RBM23: variants seen among roughly 807,000 people sequenced by gnomAD.
The protein encoded by RBM23 is RNA binding motif protein 23.
RBM23 carries 53 observed loss-of-function variants against 56.2 expected under a neutral mutation model. The ratio of observed to expected loss-of-function variants is 0.94; its 90% confidence interval spans 0.76 to 1.19. RBM23 has a LOEUF of 1.19. Ranked by LOEUF, RBM23 falls within the 50% of genes most tolerant of loss-of-function variation. The pLI, the probability that RBM23 is intolerant of heterozygous loss-of-function variation, is 0.00. For missense variants in RBM23, 642 were observed against 590.3 expected, an observed-to-expected ratio of 1.09 and a Z score of -0.91; for synonymous variants, 197 against 198.5, an observed-to-expected ratio of 0.99 and a Z score of 0.06.
At chr14:22,913,412 T>A (rs537917684) in intron 1 of RBM23, among the ~76,000 whole-genome samples, 91 of 68,778 alleles carry the variant, frequency 1.3e-3, no homozygotes, top group Non-Finnish European at 2.3e-3. Flanking sequence ...AGGCTCCGTC[T>A]CAAAAAAAAA....
intron 2 of RBM23, among the ~76,000 whole-genome samples, chr14:22,909,837 T>G (rs2042159830): frequency 6.6e-6 from 1 of 152,100 alleles, no homozygotes; most frequent in Non-Finnish European, 1.5e-5. Flanking sequence ...TCTGCTCCAC[T>G]AACATTTCCC....
At position 22,893,712 on chromosome 14, in the gene RBM23, A is replaced by AAT. The variant is rs2040202088; in HGVS notation, c.*8017_*8018insAT. 1 of 152,182 alleles carries AAT rather than the reference A, an allele frequency of 6.6e-6. No individual in the cohort carries two copies. Among genetic ancestry groups the AAT allele is most frequent in the South Asian group, 2.1e-4 (1 of 4,824 alleles). 9.4% of individuals were successfully genotyped at this position (152,182 alleles called of 1,614,324 possible). A position where few individuals can be genotyped will look rare whatever the true frequency, so the allele number is the denominator to read the frequency against. The stretch of plus-strand genomic sequence containing the variant: ...ACATGAGGAAAAGGCCCTTCCTATA[A>AAT]AGAAGGCAGCAAAATTTGGGTGGAT... On this transcript the variant is annotated 3_prime_UTR_variant, in exon 14 of 14. Transcript: ENST00000359890.
At chr14:22,916,246 C>T (rs891874509) in intron 1 of RBM23, among the ~76,000 whole-genome samples, 9 of 150,692 alleles carry the variant, frequency 6.0e-5, no homozygotes, top group African/African-American at 2.2e-4. Flanking sequence ...TCACACAGCT[C>T]AAAGGGAAGA....
intron 1 of RBM23, chr14:22,917,477 A>G (rs146339155): frequency 6.6e-6 from 1 of 152,276 alleles, no homozygotes; most frequent in African/African-American, 2.4e-5. Flanking sequence ...TTGCAATCTC[A>G]CTGGGTTTAG....
At chr14:22,903,066 G>A in intron 10 of RBM23, 1 of 985,278 alleles carries the variant, frequency 1.0e-6, no homozygotes, top group Non-Finnish European at 1.2e-6. Flanking sequence ...ACAGGTGTGA[G>A]CCACCGCGCC....
rs138090895 is a variant in RBM23 at position 22,898,703 on chromosome 14, C to G, written c.*3027G>C. ...AAGAAAGAACTGAGGTGGAAGGATC[C>G]GAGTGTAGGAAGGCCAAGGTAGCTA... On this transcript the variant is annotated 3_prime_UTR_variant, in exon 14 of 14. Transcript: ENST00000359890. 4.9e-4 allele frequency: 75 copies of G among 151,676 alleles called. No homozygotes were observed. Among genetic ancestry groups the G allele is most frequent in the African/African-American group, 1.7e-3 (69 of 41,346 alleles). 9.4% of individuals were successfully genotyped at this position (151,676 alleles called of 1,614,324 possible).
rs2041935437 is a variant in RBM23 at position 22,908,435 on chromosome 14, C to T, written c.180-55G>A. On this transcript the variant is annotated intron_variant, in intron 3 of 13. Coordinates refer to ENST00000359890, the MANE Select transcript of RBM23 (RefSeq NM_001077351.2). ...TTTTTTTAATTTTGAGAAAGAATCT[C>T]GCTCTGTCGTGCAGTGGTGCAATCT... 2.1e-5 allele frequency: 32 copies of T among 1,529,192 alleles called. No individual in the cohort carries two copies. The South Asian group carries it at 3.5e-4, about 17-fold the overall frequency. The allele number at this position is 1,529,192 out of a possible 1,614,324, so 94.7% of individuals were successfully genotyped here. A position where few individuals can be genotyped will look rare whatever the true frequency, so the allele number is the denominator to read the frequency against.
intron 10 of RBM23, chr14:22,903,437 A>G: frequency 2.0e-6 from 2 of 985,432 alleles, no homozygotes; most frequent in Non-Finnish European, 2.4e-6. Flanking sequence ...AATTGTCAAC[A>G]CCACAGCTAG....
Position 22,896,753 on chromosome 14 carries a change from G to A in RBM23, c.*4977C>T, listed in dbSNP as rs889711859. On this transcript the variant is annotated 3_prime_UTR_variant, in exon 14 of 14. Coordinates refer to ENST00000359890, the MANE Select transcript of RBM23 (RefSeq NM_001077351.2). ...TTTCCTTGCACCCACCTTCCCACGTGATCTAAGTTGGTTGGTCTGCTTCAC... is the reference window on the plus strand; with the variant it reads ...TTTCCTTGCACCCACCTTCCCACGTAATCTAAGTTGGTTGGTCTGCTTCAC... 2 of 152,170 alleles carry A rather than the reference G, an allele frequency of 1.3e-5. No individual in the cohort carries two copies. Among genetic ancestry groups the A allele is most frequent in the African/African-American group, 4.8e-5 (2 of 41,426 alleles). The allele number at this position is 152,170 out of a possible 1,614,324, so 9.4% of individuals were successfully genotyped here.
chr14:22,903,216 C>T, intron 10 of RBM23: 1 of 985,526 alleles, frequency 1.0e-6, no homozygotes, highest in Non-Finnish European at 1.2e-6. Context: ...GACCTGCTGA[C>T]CAGAAGGCCT....
chr14:22,903,638 C>T, intron 10 of RBM23: 1 of 999,496 alleles, frequency 1.0e-6, no homozygotes. Context: ...TGGTTTAAGC[C>T]CAGAAAATAC....
rs190357624 is a variant in RBM23, at chr14:22,909,614, A to G, written c.67-19T>C. On this transcript the variant is annotated intron_variant, in intron 2 of 13. Transcript: ENST00000359890. The stretch of plus-strand genomic sequence containing the variant: ...GCTCATCCTGAGGCATTCACCAGGA[A>G]AATGTCACAAGGTATAAGGTGGCAG... The G allele has an allele frequency of 7.3e-4, 1,152 of 1,584,722 alleles. 5 individuals are homozygous for G. Among genetic ancestry groups the G allele is most frequent in the Non-Finnish European group, 6.4e-4 (737 of 1,153,944 alleles).
chr14:22,907,617 A>G (rs2041793224), intron 4 of RBM23, among the ~76,000 whole-genome samples: 1 of 152,238 alleles, frequency 6.6e-6, no homozygotes, highest in Non-Finnish European at 1.5e-5. Flanking sequence ...TACGTACAGT[A>G]TATACTTCAC....
chr14:22,915,761 T>C (rs1251947793), intron 1 of RBM23, among the ~76,000 whole-genome samples: 2 of 152,254 alleles, frequency 1.3e-5, no homozygotes, highest in Non-Finnish European at 1.5e-5. Flanking sequence ...CTCCCAGTGC[T>C]GGGATTACAG....
chr14:22,904,842 T>C (rs1348980843), intron 9 of RBM23, 33 bp downstream of exon 9: 2 of 1,612,460 alleles, frequency 1.2e-6, no homozygotes, highest in East Asian at 2.2e-5. Flanking sequence ...CTTCTTCCAA[T>C]TCCCTTCAGA....
At chr14:22,903,804 A>G in intron 10 of RBM23, 1 of 1,044,242 alleles carries the variant, frequency 9.6e-7, no homozygotes, top group Non-Finnish European at 1.2e-6. Flanking sequence ...TTCTCCCCAT[A>G]GTGCTACGTT....
chr14:22,900,129 T>G lies in RBM23; in HGVS notation c.*1601A>C, dbSNP rs2040326407. 6.6e-6 allele frequency: 1 copy of G among 152,068 alleles called. No homozygotes were observed. Among genetic ancestry groups the G allele is most frequent in the Non-Finnish European group, 1.5e-5 (1 of 68,038 alleles). 9.4% of individuals were successfully genotyped at this position (152,068 alleles called of 1,614,324 possible). On this transcript the variant is annotated 3_prime_UTR_variant, in exon 14 of 14. Transcript: ENST00000359890. ...CTGTGTTATCCCAGGCAGAGCCACA[T>G]GGAAAGCAGGAGTTGAGGGGACTGA...
chr14:22,914,610 C>G (rs1356378945), intron 1 of RBM23, among the ~76,000 whole-genome samples: 1 of 151,872 alleles, frequency 6.6e-6, no homozygotes, highest in Non-Finnish European at 1.5e-5. Context: ...TTAAATGTAC[C>G]TCAATCATGC....
intron 4 of RBM23, among the ~76,000 whole-genome samples, chr14:22,907,566 A>T (rs1055545381): frequency 3.3e-5 from 5 of 152,254 alleles, no homozygotes. Context: ...GAAACTACAT[A>T]CAATATGTAT....
Sources: gnomAD v4.1 joint callset for allele counts (sites outside exome capture counted in the v4.1 genomes callset) on GRCh38, gnomAD v4.1.1 for gene constraint, MANE v1.5 for transcripts, NCBI Gene and HGNC (gene_info 2026-07-23, HGNC 2026-07-21) for gene names.